Variants in THSD4 observed in about 807,000 individuals in gnomAD.
The protein encoded by THSD4 is thrombospondin type-1 domain-containing protein 4.
A neutral mutation model predicts 119.0 loss-of-function variants in THSD4; 69 were observed. The observed-to-expected ratio is 0.58, with a 90% confidence interval of 0.48 to 0.71. The LOEUF (loss-of-function observed/expected upper bound fraction) is 0.71, where lower values mean the gene tolerates loss of function less well. Ranked by LOEUF, THSD4 falls within the 30% of genes least tolerant of loss-of-function variation. THSD4 has a pLI of 0.00. For missense variants in THSD4, 1,393 were observed against 1,391.1 expected (o/e 1.00, Z -0.02); for synonymous variants, 524 against 540.4 (o/e 0.97, Z 0.42).
At chr15:71,762,769 A>T (rs1481298793) in intron 15 of THSD4, among the ~76,000 whole-genome samples, 1 of 152,192 alleles carries the variant, frequency 6.6e-6, no homozygotes, top group East Asian at 1.9e-4. Flanking sequence ...AGAGTGGGAA[A>T]TCTTATAGTT....
At chr15:71,503,249 A>C (rs2140734686) in intron 7 of THSD4, among the ~76,000 whole-genome samples, 1 of 152,318 alleles carries the variant, frequency 6.6e-6, no homozygotes, top group Middle Eastern at 3.4e-3. Context: ...GGCATGTTTG[A>C]GGACTAGAAA....
At chr15:71,115,141 T>A (rs577039337), upstream of THSD4, 5 of 152,580 alleles carry the variant, frequency 3.3e-5, no homozygotes, top group Admixed American at 3.3e-4. The surrounding 1 kb of genome is among the most constrained non-coding windows in gnomAD (Gnocchi z 4.4). Flanking sequence ...CAGGATAAGA[T>A]GAACGCGGAA....
At chr15:71,288,798 C>T (rs1596316499) in intron 6 of THSD4, among the ~76,000 whole-genome samples, 1 of 152,218 alleles carries the variant, frequency 6.6e-6, no homozygotes, top group South Asian at 2.1e-4. Flanking sequence ...GTTTACATAA[C>T]AAGCTTGCTG....
chr15:71,699,076 T>C (rs1256870018), intron 8 of THSD4, among the ~76,000 whole-genome samples: 1 of 152,224 alleles, frequency 6.6e-6, no homozygotes, highest in Non-Finnish European at 1.5e-5. Flanking sequence ...TTTTTAAGTA[T>C]TCTTATCATA....
chr15:71,485,355 G>T (rs569372215), intron 7 of THSD4, among the ~76,000 whole-genome samples: 117 of 152,316 alleles, frequency 7.7e-4, no homozygotes, highest in Non-Finnish European at 1.3e-3. Flanking sequence ...GGCTGAGAAG[G>T]TTGAACTAGA....
At chr15:71,479,676 T>C (rs1417636086) in intron 7 of THSD4, among the ~76,000 whole-genome samples, 2 of 152,194 alleles carry the variant, frequency 1.3e-5, no homozygotes, top group Non-Finnish European at 2.9e-5. Flanking sequence ...ATACTTCAGC[T>C]TTTAGTTGCC....
intron 8 of THSD4, among the ~76,000 whole-genome samples, chr15:71,724,421 G>T (rs2052794993): frequency 2.0e-5 from 3 of 151,276 alleles, no homozygotes; most frequent in Middle Eastern, 6.8e-3. Flanking sequence ...AAGTAGCTGG[G>T]ACTACAGGTG....
chr15:71,488,698 A>G (rs1165007138), intron 7 of THSD4, among the ~76,000 whole-genome samples: 1 of 151,972 alleles, frequency 6.6e-6, no homozygotes, highest in Non-Finnish European at 1.5e-5. Context: ...TCTTGAGTTT[A>G]GCTAAATAGT....
At chr15:71,214,475 G>T (rs1365716088) in intron 3 of THSD4, among the ~76,000 whole-genome samples, 1 of 152,226 alleles carries the variant, frequency 6.6e-6, no homozygotes, top group Non-Finnish European at 1.5e-5. Flanking sequence ...AAGAAACTCC[G>T]TGACACCACC....
intron 7 of THSD4, among the ~76,000 whole-genome samples, chr15:71,450,439 G>T (rs752115812): frequency 7.2e-5 from 11 of 152,258 alleles, no homozygotes; most frequent in Non-Finnish European, 1.2e-4. Context: ...AGACACTTTG[G>T]GTTTGGGCTC....
intron 3 of THSD4, among the ~76,000 whole-genome samples, chr15:71,172,702 T>TACATATATGTCAC (rs1567145361): frequency 8.7e-5 from 9 of 103,070 alleles, no homozygotes; most frequent in African/African-American, 4.5e-4. Flanking sequence ...TATATATATA[T>TACATATATGTCAC]ATATATATAT....
intron 7 of THSD4, among the ~76,000 whole-genome samples, chr15:71,601,393 G>T (rs1351518688): frequency 6.6e-6 from 1 of 152,136 alleles, no homozygotes; most frequent in Non-Finnish European, 1.5e-5. Flanking sequence ...CACTCCAGGG[G>T]TTGCTCCCTT....
chr15:71,370,459 C>T (rs534821018), intron 6 of THSD4, among the ~76,000 whole-genome samples: 2 of 152,230 alleles, frequency 1.3e-5, no homozygotes, highest in East Asian at 3.9e-4. Context: ...TTAAATGTGT[C>T]CCAGAGATTT....
intron 7 of THSD4, among the ~76,000 whole-genome samples, chr15:71,634,673 G>A (rs1226917570): frequency 6.6e-6 from 1 of 152,186 alleles, no homozygotes; most frequent in Non-Finnish European, 1.5e-5. Flanking sequence ...GTAAAGAAAG[G>A]TCGGTCAGAA....
At chr15:71,702,205 T>C (rs2052305045) in intron 8 of THSD4, among the ~76,000 whole-genome samples, 1 of 152,120 alleles carries the variant, frequency 6.6e-6, no homozygotes, top group South Asian at 2.1e-4. Context: ...CCAGAACCAC[T>C]GGACCCTGCA....
intron 7 of THSD4, among the ~76,000 whole-genome samples, chr15:71,480,505 C>A (rs563694740): frequency 6.6e-6 from 1 of 152,122 alleles, no homozygotes; most frequent in African/African-American, 2.4e-5. Context: ...AATATTGCTG[C>A]GTAACAACTA....
chr15:71,568,108 C>G (rs2049276741), intron 7 of THSD4, among the ~76,000 whole-genome samples: 2 of 152,066 alleles, frequency 1.3e-5, no homozygotes, highest in South Asian at 4.1e-4. Flanking sequence ...AAGATACAAA[C>G]TTGGGACTAG....
At chr15:71,377,747 G>A (rs924346753) in intron 6 of THSD4, among the ~76,000 whole-genome samples, 1 of 151,984 alleles carries the variant, frequency 6.6e-6, no homozygotes, top group Non-Finnish European at 1.5e-5. Flanking sequence ...TTGCTGACAA[G>A]GTTGCAGGTC....
chr15:71,706,348 G>A (rs888793316), intron 8 of THSD4, among the ~76,000 whole-genome samples: 1 of 151,904 alleles, frequency 6.6e-6, no homozygotes, highest in Admixed American at 6.6e-5. Flanking sequence ...ACAGGAGGAG[G>A]CAGGGATGGG....
Sources: allele counts gnomAD v4.1 joint callset (sites outside exome capture counted in the v4.1 genomes callset), GRCh38; gene constraint gnomAD v4.1.1; non-coding constraint Gnocchi (gnomAD v3.1); transcripts MANE v1.5; gene names NCBI Gene and HGNC (gene_info 2026-07-23, HGNC 2026-07-21).